The following LINGO1 variants were observed in gnomAD, a reference collection of about 807,000 sequenced individuals.
The protein encoded by LINGO1 is leucine-rich repeat and immunoglobulin-like domain-containing nogo receptor-interacting protein 1.
Under a neutral mutation model 37.3 loss-of-function variants are expected in LINGO1, and 11 were observed. The observed-to-expected ratio is 0.29, with a 90% CI of 0.19 to 0.49. The LOEUF is 0.49. LINGO1 is among the 20% of genes least tolerant of loss of function. LINGO1 has a pLI of 0.99. For synonymous variants in LINGO1, 387 were observed against 403.0 expected (o/e 0.96, Z 0.48); for missense variants, 585 against 878.2 (o/e 0.67, Z 4.22).
At chr15:77,697,420 A>G (rs1325896861), upstream of LINGO1, among the ~76,000 whole-genome samples, 1 of 152,248 alleles carries the variant, frequency 6.6e-6, no homozygotes, top group Non-Finnish European at 1.5e-5. Context: ...GGACAATTCC[A>G]GGGTAAGACG....
intron 1 of LINGO1, among the ~76,000 whole-genome samples, chr15:77,736,599 C>CA (rs1049994648): frequency 2.6e-5 from 4 of 151,538 alleles, no homozygotes; most frequent in Admixed American, 6.6e-5. Flanking sequence ...CCTGTCTCTA[C>CA]AAAAAAAATA....
chr15:77,724,861 G>A (rs527261387), intron 2 of LINGO1, among the ~76,000 whole-genome samples: 8 of 152,302 alleles, frequency 5.3e-5, no homozygotes, highest in Non-Finnish European at 1.0e-4. Context: ...AGACCTTCAA[G>A]AAAAAGCCCA....
chr15:77,691,886 A>G (rs963916223), intron 1 of LINGO1, among the ~76,000 whole-genome samples: 3 of 152,128 alleles, frequency 2.0e-5, no homozygotes, highest in African/African-American at 4.8e-5. Flanking sequence ...TGCAGGATGT[A>G]CGAGGCCCAC....
chr15:77,703,464 A>C (rs1490361427), intron 2 of LINGO1, among the ~76,000 whole-genome samples: 2 of 151,990 alleles, frequency 1.3e-5, no homozygotes, highest in Non-Finnish European at 2.9e-5. Flanking sequence ...CTACTAACAC[A>C]CTTTGTGTCT....
chr15:77,729,058 C>G (rs1166467082), intron 2 of LINGO1, among the ~76,000 whole-genome samples: 1 of 152,186 alleles, frequency 6.6e-6, no homozygotes, highest in Admixed American at 6.5e-5. Flanking sequence ...CTCTTTAACC[C>G]TCCTTCCCTG....
chr15:77,632,102 T>C lies in LINGO1; in HGVS notation c.6+208A>G, dbSNP rs2074271824. 6.6e-6 allele frequency among the ~76,000 whole-genome samples: 1 copy of C among 152,212 alleles called. No individual in the cohort carries two copies. Among genetic ancestry groups the C allele is most frequent in the Non-Finnish European group, 1.5e-5 (1 of 68,026 alleles). ...TCCCAGCTTACAAACCCGGAATTTG[T>C]TGGGGTTGGAGAGAGGGGAGGTGGA... On this transcript the variant is annotated intron_variant, in intron 1 of 1. Coordinates refer to ENST00000355300, the MANE Select transcript of LINGO1 (RefSeq NM_032808.7). This position sits in a 1 kb window ranked among gnomAD's most constrained non-coding sequence, Gnocchi z 6.0.
rs149001728 is a variant in LINGO1 at position 77,757,974 on chromosome 15, C to T, written c.-256-22921G>A. 3.3e-5 allele frequency among the ~76,000 whole-genome samples: 5 copies of T among 152,298 alleles called. No individual in the cohort carries two copies. In the East Asian group the frequency reaches 9.7e-4, roughly 29 times the overall value. On this transcript the variant is annotated intron_variant, in intron 1 of 3. Transcript: ENST00000561686. ...ATATGAAGAACACTCATTTATTCAC[C>T]AACTTCCCACTCAGGAAAAATATAT...
chr15:77,615,708 CG>C lies in LINGO1; in HGVS notation c.198del (p.Glu67ArgfsTer12). The C allele has an allele frequency of 6.2e-7, 1 of 1,600,206 alleles. No individual in the cohort carries two copies. ...LCHRKRFVAV[P>X]EGIPTETRLL... ...AGGCGCGTCTCGGTGGGGATGCCCT[CG>C]GGGACTGCCACAAAGCGCTTGCGGT... On this transcript the variant is annotated frameshift_variant, in exon 2 of 2. Transcript: ENST00000355300. LOFTEE classifies it high-confidence loss of function.
chr15:77,791,470 C>T (rs2076818259), upstream of LINGO1, among the ~76,000 whole-genome samples: 1 of 151,910 alleles, frequency 6.6e-6, no homozygotes, highest in Admixed American at 6.6e-5. Context: ...GAGGCTGAGC[C>T]TGGTGTGTGG....
chr15:77,757,282 G>C (rs548833216), intron 1 of LINGO1, among the ~76,000 whole-genome samples: 1 of 152,330 alleles, frequency 6.6e-6, no homozygotes, highest in East Asian at 1.9e-4. Context: ...CCAGGCTCTG[G>C]TCTGACAGGA....
chr15:77,679,570 T>C (rs1430788013), intron 2 of LINGO1, among the ~76,000 whole-genome samples: 2 of 152,084 alleles, frequency 1.3e-5, no homozygotes, highest in South Asian at 2.1e-4. Context: ...ATGCTATCAA[T>C]ACTCCCATTT....
At chr15:77,722,895 G>C (rs1035647981) in intron 2 of LINGO1, among the ~76,000 whole-genome samples, 1 of 152,164 alleles carries the variant, frequency 6.6e-6, no homozygotes, top group Non-Finnish European at 1.5e-5. Context: ...GTAACCCGGG[G>C]AGGGCAGCAG....
At chr15:77,704,456 C>T (rs2075823937) in intron 2 of LINGO1, among the ~76,000 whole-genome samples, 1 of 151,530 alleles carries the variant, frequency 6.6e-6, no homozygotes, top group African/African-American at 2.4e-5. Flanking sequence ...GACACTGAGT[C>T]CCGACTCTGG....
chr15:77,700,570 C>T (rs1011586514), upstream of LINGO1, among the ~76,000 whole-genome samples: 1 of 152,158 alleles, frequency 6.6e-6, no homozygotes, highest in Non-Finnish European at 1.5e-5. Context: ...GCTGGACTGG[C>T]TGGTGGAGGA....
rs74025353 is a variant in LINGO1 at position 77,657,618 on chromosome 15, G to A, written c.-13+19471C>T. 8.8e-3 allele frequency among the ~76,000 whole-genome samples: 1,346 copies of A among 152,270 alleles called. 18 individuals carry two copies. The highest frequency in any genetic ancestry group is 0.031 in the African/African-American group (1,283 of 41,546). ...GGTTAGAGCTCTACAAGGTCACACAGCGAGCCTGGGGTAAAGCCGGGCCCA... is the reference window on the plus strand; with the variant it reads ...GGTTAGAGCTCTACAAGGTCACACAACGAGCCTGGGGTAAAGCCGGGCCCA... On this transcript the variant is annotated intron_variant, in intron 3 of 3. Coordinates refer to the LINGO1 transcript ENST00000559893.
chr15:77,690,388 C>G (rs186961729), intron 2 of LINGO1, among the ~76,000 whole-genome samples: 1 of 152,280 alleles, frequency 6.6e-6, no homozygotes, highest in East Asian at 1.9e-4. Flanking sequence ...CATCTTTTGA[C>G]CATGTCATGC....
rs578024998 is a variant in LINGO1 at position 77,801,051 on chromosome 15, C to A, written c.-457-4998G>T. On this transcript the variant is annotated intron_variant, in intron 1 of 5. Coordinates refer to the LINGO1 transcript ENST00000562933. ...GCAAGGATGTGGGGAAATGAGCACT[C>A]CCAGACCATTGGATGGAGGGGGAAT... is the stretch of plus-strand genomic sequence containing the variant. Among the ~76,000 whole-genome samples the A allele has an allele frequency of 2.0e-5, 3 of 152,264 alleles. No individual in the cohort carries two copies. The South Asian group carries it at 6.2e-4, about 32-fold the overall frequency.
intron 3 of LINGO1, chr15:77,641,859 G>A (rs2074514425): frequency 2.2e-6 from 1 of 456,458 alleles, no homozygotes; most frequent in South Asian, 1.5e-5. Flanking sequence ...CAGCCTGATA[G>A]GCTGAGGCCA....
chr15:77,618,274 A>G (rs1007597052), intron 1 of LINGO1, among the ~76,000 whole-genome samples: 1 of 152,134 alleles, frequency 6.6e-6, no homozygotes, highest in Non-Finnish European at 1.5e-5. Context: ...CGAATCTGGC[A>G]CACAGGAAGC....
Sources: allele counts gnomAD v4.1 joint callset (sites outside exome capture counted in the v4.1 genomes callset), GRCh38; gene constraint gnomAD v4.1.1; non-coding constraint Gnocchi (gnomAD v3.1); transcripts MANE v1.5; gene names NCBI Gene and HGNC (gene_info 2026-07-23, HGNC 2026-07-21).